The following RSRC1 variants were observed in gnomAD, a reference collection of about 807,000 sequenced individuals.
RSRC1 encodes arginine and serine rich coiled-coil 1.
In RSRC1, 39 loss-of-function variants were observed where a neutral mutation model predicts 49.1. The ratio of observed to expected loss-of-function variants is 0.79; its 90% confidence interval spans 0.61 to 1.04. The LOEUF is 1.04. RSRC1 is among the 50% of genes least tolerant of loss of function. The probability of loss-of-function intolerance (pLI) is 0.00; values close to 1 mark genes in which losing one functional copy is unlikely to be tolerated. For synonymous variants in RSRC1, 143 were observed against 130.8 expected (o/e 1.09, Z -0.63); for missense variants, 388 against 402.4 (o/e 0.96, Z 0.31).
At chr3:158,513,067 A>G (rs2108476586) in intron 7 of RSRC1, among the ~76,000 whole-genome samples, 1 of 141,288 alleles carries the variant, frequency 7.1e-6, no homozygotes, top group South Asian at 2.5e-4. Flanking sequence ...GCAAACAGGG[A>G]CAATTTGACT....
chr3:158,329,464 C>G (rs936158081), intron 5 of RSRC1, among the ~76,000 whole-genome samples: 1 of 152,172 alleles, frequency 6.6e-6, no homozygotes, highest in Non-Finnish European at 1.5e-5. Context: ...CAGTCAGGAC[C>G]CTCAGCTGCA....
intron 7 of RSRC1, among the ~76,000 whole-genome samples, chr3:158,510,330 T>C (rs1050205015): frequency 2.0e-5 from 3 of 152,216 alleles, no homozygotes; most frequent in Admixed American, 6.5e-5. Context: ...TAAATTAATA[T>C]GTATTACAGA....
chr3:158,406,236 T>A (rs1197673431), intron 6 of RSRC1, among the ~76,000 whole-genome samples: 1 of 152,128 alleles, frequency 6.6e-6, no homozygotes, highest in Non-Finnish European at 1.5e-5. Flanking sequence ...CACAATTTTT[T>A]AACTACTTGA....
At chr3:158,122,573 A>T (rs1715333684) in intron 2 of RSRC1, among the ~76,000 whole-genome samples, 1 of 149,754 alleles carries the variant, frequency 6.7e-6, no homozygotes, top group Non-Finnish European at 1.5e-5. Context: ...TTATTTATTT[A>T]TTTTTCTAAT....
chr3:158,263,080 A>C (rs1370107240), intron 4 of RSRC1, among the ~76,000 whole-genome samples: 1 of 152,172 alleles, frequency 6.6e-6, no homozygotes, highest in East Asian at 1.9e-4. Context: ...GAATAGAAGC[A>C]GTAAGCATGC....
intron 7 of RSRC1, among the ~76,000 whole-genome samples, chr3:158,513,406 G>A (rs1216735169): frequency 2.0e-5 from 3 of 152,146 alleles, no homozygotes; most frequent in Admixed American, 6.5e-5. Context: ...CTGTTTATAT[G>A]CTGGATTATA....
chr3:158,128,393 A>G (rs561086717), intron 3 of RSRC1, among the ~76,000 whole-genome samples: 171 of 152,182 alleles, frequency 1.1e-3, no homozygotes, highest in African/African-American at 4.0e-3. Context: ...AGTTCCATAT[A>G]GGTATTTTGG....
intron 7 of RSRC1, among the ~76,000 whole-genome samples, chr3:158,479,298 A>T (rs1418192796): frequency 6.7e-6 from 1 of 150,364 alleles, no homozygotes; most frequent in Non-Finnish European, 1.5e-5. Flanking sequence ...ACAAAATAAT[A>T]TATGGATATA....
intron 5 of RSRC1, among the ~76,000 whole-genome samples, chr3:158,329,825 C>T (rs1371153139): frequency 2.6e-5 from 4 of 152,342 alleles, no homozygotes; most frequent in African/African-American, 9.6e-5. Context: ...ATGCCCTGCC[C>T]CCAGAGGTGG....
At chr3:158,123,055 A>C (rs1312835717) in intron 2 of RSRC1, among the ~76,000 whole-genome samples, 2 of 152,162 alleles carry the variant, frequency 1.3e-5, no homozygotes. Context: ...CTTGTTGTCC[A>C]GGCTGGAGTA....
chr3:158,239,239 A>G (rs1433870831), intron 4 of RSRC1, among the ~76,000 whole-genome samples: 1 of 152,122 alleles, frequency 6.6e-6, no homozygotes, highest in Non-Finnish European at 1.5e-5. Context: ...GTGGAGAAAT[A>G]GAATGCTTTT....
chr3:158,288,193 C>T (rs943868169), intron 4 of RSRC1, among the ~76,000 whole-genome samples: 1 of 152,180 alleles, frequency 6.6e-6, no homozygotes, highest in Non-Finnish European at 1.5e-5. Context: ...CATGCTGGAC[C>T]TTTGAGCTCA....
chr3:158,147,370 A>G (rs1436859683), intron 3 of RSRC1, among the ~76,000 whole-genome samples: 8 of 151,870 alleles, frequency 5.3e-5, no homozygotes, highest in African/African-American at 1.9e-4. Flanking sequence ...CCTCCTGAGT[A>G]GCTGGGACTA....
intron 6 of RSRC1, among the ~76,000 whole-genome samples, chr3:158,455,979 C>CAAAAAAAAAAA (rs765828003): frequency 1.8e-4 from 10 of 56,518 alleles, no homozygotes; most frequent in South Asian, 9.7e-4. Flanking sequence ...GACTCCATCT[C>CAAAAAAAAAAA]AAAAAAAAAA....
intron 7 of RSRC1, among the ~76,000 whole-genome samples, chr3:158,530,635 G>A (rs932429137): frequency 1.3e-4 from 20 of 151,560 alleles, no homozygotes; most frequent in African/African-American, 4.8e-4. Context: ...ATGTGGGGGG[G>A]AAATCTCTCA....
At chr3:158,254,001 T>A (rs2108018962) in intron 4 of RSRC1, among the ~76,000 whole-genome samples, 1 of 152,210 alleles carries the variant, frequency 6.6e-6, no homozygotes, top group South Asian at 2.1e-4. Context: ...CAACTGTAAG[T>A]GAGAACGTGC....
chr3:158,537,171 A>T lies in RSRC1; in HGVS notation c.732A>T (p.Thr244=). 6.3e-7 allele frequency: 1 copy of T among 1,595,480 alleles called. No individual in the cohort carries two copies. Among genetic ancestry groups the T allele is most frequent in the Non-Finnish European group, 8.5e-7 (1 of 1,172,296 alleles). The change falls in exon 8 of 10, where the codon ACA becomes ACT. Residue 244 remains threonine, a synonymous_variant. Transcript: ENST00000611884. ...AIESDSFVQQ[T]FRSSKEVKKS... ...AAAGTGATTCTTTTGTTCAGCAGAC[A>T]TTCAGATCAAGTAAAGAAGTCAAAA...
chr3:158,377,906 C>T (rs916457063), intron 6 of RSRC1, among the ~76,000 whole-genome samples: 1 of 152,116 alleles, frequency 6.6e-6, no homozygotes, highest in Non-Finnish European at 1.5e-5. Context: ...AATGATCTGC[C>T]CCCCTCAGCC....
intron 3 of RSRC1, among the ~76,000 whole-genome samples, chr3:158,139,380 C>T (rs1172588006): frequency 3.3e-5 from 5 of 151,612 alleles, no homozygotes; most frequent in African/African-American, 1.2e-4. Flanking sequence ...CACTCCAGTC[C>T]GGGCAACAGA....
Sources: allele counts gnomAD v4.1 joint callset (sites outside exome capture counted in the v4.1 genomes callset), GRCh38; gene constraint gnomAD v4.1.1; transcripts MANE v1.5; gene names NCBI Gene and HGNC (gene_info 2026-07-23, HGNC 2026-07-21).